Variants in NALF1 observed in about 807,000 individuals in gnomAD.
NALF1 encodes the protein family with sequence similarity 155 member A.
A neutral mutation model predicts 48.4 loss-of-function variants in NALF1; 3 were observed. The observed-to-expected ratio is 0.06, with a 90% confidence interval of 0.03 to 0.16. The LOEUF (loss-of-function observed/expected upper bound fraction) is 0.16. NALF1 is among the 10% of genes least tolerant of loss of function. The pLI, the probability that NALF1 is intolerant of heterozygous loss-of-function variation, is 1.00. For synonymous variants in NALF1, 262 were observed against 245.7 expected, an observed-to-expected ratio of 1.07 and a Z score of -0.62; for missense variants, 526 against 571.5, an observed-to-expected ratio of 0.92 and a Z score of 0.81.
chr13:107,517,960 A>C (rs1421403056), intron 1 of NALF1, among the ~76,000 whole-genome samples: 2 of 152,164 alleles, frequency 1.3e-5, no homozygotes, highest in Non-Finnish European at 2.9e-5. Context: ...TCTCAAAAAC[A>C]AACAAAAACT....
chr13:107,181,469 C>T (rs955650534), intron 2 of NALF1, among the ~76,000 whole-genome samples: 1 of 151,274 alleles, frequency 6.6e-6, no homozygotes, highest in African/African-American at 2.4e-5. Flanking sequence ...TACTTGAGTG[C>T]TTTTTTGCTG....
intron 1 of NALF1, among the ~76,000 whole-genome samples, chr13:107,409,452 C>A (rs985804848): frequency 9.2e-5 from 14 of 152,114 alleles, no homozygotes; most frequent in African/African-American, 3.1e-4. Flanking sequence ...AGAGAGAATT[C>A]TTGGAGGACT....
At chr13:107,663,148 G>T (rs893550408) in intron 1 of NALF1, among the ~76,000 whole-genome samples, 3 of 152,074 alleles carry the variant, frequency 2.0e-5, no homozygotes, top group Non-Finnish European at 4.4e-5. Flanking sequence ...ATGTCTTACA[G>T]TAACAAGACT....
intron 1 of NALF1, among the ~76,000 whole-genome samples, chr13:107,347,450 T>G (rs1228117460): frequency 2.0e-5 from 3 of 152,260 alleles, no homozygotes; most frequent in African/African-American, 7.2e-5. Flanking sequence ...CAGCCATGCT[T>G]TGAGTTATGA....
At chr13:107,444,209 T>C in intron 1 of NALF1, among the ~76,000 whole-genome samples, 1 of 152,204 alleles carries the variant, frequency 6.6e-6, no homozygotes, top group East Asian at 1.9e-4. Context: ...CACTTTTACC[T>C]AGTAATATTA....
chr13:107,852,460 G>A (rs1169920208), intron 1 of NALF1, among the ~76,000 whole-genome samples: 1 of 152,196 alleles, frequency 6.6e-6, no homozygotes, highest in African/African-American at 2.4e-5. Flanking sequence ...CACAACACTT[G>A]TGTGACAAAA....
chr13:107,726,715 T>C (rs1876161745), intron 1 of NALF1, among the ~76,000 whole-genome samples: 1 of 151,910 alleles, frequency 6.6e-6, no homozygotes, highest in Non-Finnish European at 1.5e-5. Flanking sequence ...GTTCAAGTGA[T>C]TCTCCTACCT....
intron 1 of NALF1, among the ~76,000 whole-genome samples, chr13:107,566,256 A>T (rs1877806596): frequency 6.6e-6 from 1 of 152,210 alleles, no homozygotes. Context: ...AAAGTACATT[A>T]TTTGGGAAAT....
chr13:107,247,201 CA>C (rs1433307413), intron 1 of NALF1, among the ~76,000 whole-genome samples: 1 of 152,130 alleles, frequency 6.6e-6, no homozygotes, highest in African/African-American at 2.4e-5. Flanking sequence ...TACATATTGG[CA>C]AAATATTACC....
intron 1 of NALF1, among the ~76,000 whole-genome samples, chr13:107,458,777 C>A (rs902311020): frequency 6.6e-6 from 1 of 151,984 alleles, no homozygotes; most frequent in Non-Finnish European, 1.5e-5. Flanking sequence ...TAATTTTTGG[C>A]GTATGACAAA....
Position 107,166,044 on chromosome 13 carries a change from GTATA to G in NALF1, c.*4449_*4452del, listed in dbSNP as rs900606344. 2 of 150,532 alleles carry G rather than the reference GTATA, an allele frequency of 1.3e-5. No individual in the cohort carries two copies. Among genetic ancestry groups the G allele is most frequent in the African/African-American group, 2.5e-5 (1 of 40,810 alleles). 9.3% of individuals were successfully genotyped at this position (150,532 alleles called of 1,614,324 possible). ...TGTGTGTGTGTGTGTGTGTGTGTAT[GTATA>G]TATATCTTTATATCTCTCTAAAGAT... On this transcript the variant is annotated 3_prime_UTR_variant, in exon 3 of 3. Transcript: ENST00000375915.
At chr13:107,854,513 A>C (rs1880394781) in intron 1 of NALF1, among the ~76,000 whole-genome samples, 1 of 152,298 alleles carries the variant, frequency 6.6e-6, no homozygotes, top group East Asian at 1.9e-4. Context: ...TTCTCTCCAA[A>C]CTCTGCAGCT....
chr13:107,429,358 G>A (rs1884335848), intron 1 of NALF1, among the ~76,000 whole-genome samples: 1 of 151,318 alleles, frequency 6.6e-6, no homozygotes, highest in Non-Finnish European at 1.5e-5. Flanking sequence ...AGTCAAAATA[G>A]TTCCATGTGT....
chr13:107,320,085 G>A (rs1164157585), intron 1 of NALF1, among the ~76,000 whole-genome samples: 1 of 152,142 alleles, frequency 6.6e-6, no homozygotes, highest in African/African-American at 2.4e-5. Flanking sequence ...AGACATGGAA[G>A]AGATGTTCTA....
intron 1 of NALF1, among the ~76,000 whole-genome samples, chr13:107,567,717 A>C (rs976082942): frequency 6.6e-5 from 10 of 152,160 alleles, no homozygotes; most frequent in African/African-American, 1.7e-4. Flanking sequence ...ACCACCACCA[A>C]AATCAAAATA....
chr13:107,814,814 C>A (rs912600555), intron 1 of NALF1, among the ~76,000 whole-genome samples: 6 of 151,810 alleles, frequency 4.0e-5, no homozygotes, highest in Non-Finnish European at 8.8e-5. Context: ...CTGAACAAAC[C>A]TATAAACCAC....
intron 1 of NALF1, among the ~76,000 whole-genome samples, chr13:107,284,698 G>A (rs1881457420): frequency 6.6e-6 from 1 of 152,142 alleles, no homozygotes; most frequent in African/African-American, 2.4e-5. Flanking sequence ...TGGGATTAGT[G>A]TCATAAAGAA....
chr13:107,224,285 A>G (rs1415152662), intron 1 of NALF1, among the ~76,000 whole-genome samples: 3 of 151,812 alleles, frequency 2.0e-5, no homozygotes, highest in Non-Finnish European at 2.9e-5. Flanking sequence ...AAGCACATAT[A>G]TCATGATGCA....
intron 1 of NALF1, among the ~76,000 whole-genome samples, chr13:107,530,667 A>G (rs940847979): frequency 3.3e-5 from 5 of 152,106 alleles, no homozygotes. Flanking sequence ...TACATGACAA[A>G]TAGGAGGCAA....
Sources: allele counts gnomAD v4.1 joint callset (sites outside exome capture counted in the v4.1 genomes callset), GRCh38; gene constraint gnomAD v4.1.1; transcripts MANE v1.5; gene names NCBI Gene and HGNC (gene_info 2026-07-23, HGNC 2026-07-21).